The following INTS4 variants were observed in gnomAD, a reference collection of about 807,000 sequenced individuals.
INTS4 encodes integrator complex subunit 4.
In INTS4, 70 loss-of-function variants were observed where a neutral mutation model predicts 119.5. The observed-to-expected ratio is 0.59, with a 90% CI of 0.48 to 0.71. The LOEUF (loss-of-function observed/expected upper bound fraction) is 0.71. Among genes scored for constraint, INTS4 ranks in the 30% least tolerant of loss-of-function variants. INTS4 has a pLI of 0.00. For missense variants in INTS4, 867 were observed against 1,173.2 expected (o/e 0.74, Z 3.81); for synonymous variants, 316 against 419.6 (o/e 0.75, Z 3.02).
At chr11:77,954,081 G>A (rs1010744997) in intron 8 of INTS4, among the ~76,000 whole-genome samples, 1 of 152,166 alleles carries the variant, frequency 6.6e-6, no homozygotes, top group Admixed American at 6.5e-5. Flanking sequence ...CAAAGTGCTG[G>A]GATTATAGGC....
At chr11:77,962,050 T>C (rs1005052131) in intron 4 of INTS4, among the ~76,000 whole-genome samples, 2 of 152,228 alleles carry the variant, frequency 1.3e-5, no homozygotes, top group South Asian at 2.1e-4. Flanking sequence ...CAGTAGCTCA[T>C]GCCTATAATC....
chr11:77,975,290 C>T (rs1855901918), intron 4 of INTS4, among the ~76,000 whole-genome samples: 1 of 151,920 alleles, frequency 6.6e-6, no homozygotes, highest in East Asian at 1.9e-4. Flanking sequence ...TTATTCATCT[C>T]AAAGTATTTT....
At chr11:77,883,332 A>G (rs1305037209) in intron 22 of INTS4, among the ~76,000 whole-genome samples, 1 of 152,140 alleles carries the variant, frequency 6.6e-6, no homozygotes, top group Non-Finnish European at 1.5e-5. Context: ...CTTGAAATGT[A>G]ATCTCCTTTG....
At chr11:77,987,535 T>C (rs933049870) in intron 2 of INTS4, 5 of 390,340 alleles carry the variant, frequency 1.3e-5, no homozygotes, top group Non-Finnish European at 2.6e-5. Flanking sequence ...TAACGGAAAA[T>C]AGATCACTGA....
chr11:77,940,140 C>T (rs1199432221), intron 9 of INTS4, among the ~76,000 whole-genome samples: 2 of 152,036 alleles, frequency 1.3e-5, no homozygotes, highest in Middle Eastern at 3.2e-3. Flanking sequence ...TCATAAGAGG[C>T]ATTTGGGGCC....
At chr11:77,926,172 G>C (rs1178611578) in intron 11 of INTS4, among the ~76,000 whole-genome samples, 2 of 148,794 alleles carry the variant, frequency 1.3e-5, no homozygotes, top group Non-Finnish European at 3.0e-5. Context: ...AGGCAGGGTA[G>C]GATCTTGACA....
At position 77,888,663 on chromosome 11, in the gene INTS4, G is replaced by A. The variant is rs540914746; in HGVS notation, c.2592+2656C>T. ...ACATACAAAATGGGAGAAAATTTTC[G>A]TAACCTACTCATCTGACAAAGGGCT... On this transcript the variant is annotated intron_variant, in intron 21 of 22. Transcript: ENST00000534064. 2.2e-3 allele frequency among the ~76,000 whole-genome samples: 329 copies of A among 151,646 alleles called. 2 individuals carry two copies. Among genetic ancestry groups the A allele is most frequent in the African/African-American group, 7.4e-3 (305 of 41,054 alleles).
At chr11:77,885,347 G>A (rs1434784875) in intron 21 of INTS4, among the ~76,000 whole-genome samples, 1 of 152,026 alleles carries the variant, frequency 6.6e-6, no homozygotes, top group Non-Finnish European at 1.5e-5. Context: ...AAAGTGTTGG[G>A]ATTACAGGCG....
At chr11:77,940,011 C>G (rs1362031970) in intron 9 of INTS4, among the ~76,000 whole-genome samples, 1 of 151,994 alleles carries the variant, frequency 6.6e-6, no homozygotes, top group Admixed American at 6.6e-5. Flanking sequence ...TCTATAATAC[C>G]ACTTTTATAA....
At chr11:77,984,968 C>T (rs565389884) in intron 2 of INTS4, among the ~76,000 whole-genome samples, 63 of 150,986 alleles carry the variant, frequency 4.2e-4, no homozygotes, top group Non-Finnish European at 8.3e-4. Flanking sequence ...ATTCCTTATC[C>T]ATTTGGATAC....
intron 15 of INTS4, among the ~76,000 whole-genome samples, chr11:77,910,713 C>T (rs1306289602): frequency 5.3e-5 from 8 of 152,030 alleles, no homozygotes; most frequent in Admixed American, 1.3e-4. Flanking sequence ...CCCCTTCCTA[C>T]GCCTGTGCCC....
chr11:77,935,761 T>A (rs989467810), intron 10 of INTS4, among the ~76,000 whole-genome samples: 2 of 151,676 alleles, frequency 1.3e-5, no homozygotes, highest in African/African-American at 4.8e-5. Context: ...CCAGGTGTGG[T>A]GGTGTCCACC....
chr11:77,990,981 T>C (rs1353084047), intron 2 of INTS4, 127 bp downstream of exon 2: 52 of 753,976 alleles, frequency 6.9e-5, no homozygotes, highest in East Asian at 2.6e-5. Flanking sequence ...CCATAGTACC[T>C]AGCACTTGGA....
chr11:77,957,689 GA>G (rs1378801190), intron 7 of INTS4, among the ~76,000 whole-genome samples: 1 of 114,146 alleles, frequency 8.8e-6, no homozygotes, highest in Non-Finnish European at 1.7e-5. Context: ...TTTTTTGAGA[GA>G]AAGTGTCTTG....
chr11:77,943,326 T>A (rs1489780013), intron 8 of INTS4, among the ~76,000 whole-genome samples: 1 of 151,948 alleles, frequency 6.6e-6, no homozygotes, highest in Non-Finnish European at 1.5e-5. Context: ...AAACACAGAG[T>A]CCTATAGCAT....
intron 12 of INTS4, among the ~76,000 whole-genome samples, chr11:77,923,072 C>A (rs112346658): frequency 4.2e-4 from 64 of 152,304 alleles, no homozygotes; most frequent in Non-Finnish European, 7.9e-4. Flanking sequence ...ATAATCCCAA[C>A]ACTTTGCGAG....
intron 10 of INTS4, among the ~76,000 whole-genome samples, chr11:77,935,812 T>C (rs538347256): frequency 6.6e-6 from 1 of 151,472 alleles, no homozygotes; most frequent in South Asian, 2.1e-4. Flanking sequence ...GGGAAGATCA[T>C]TTGAGCCCAG....
chr11:77,969,927 T>A (rs1374135905), intron 4 of INTS4, among the ~76,000 whole-genome samples: 1 of 152,240 alleles, frequency 6.6e-6, no homozygotes, highest in Non-Finnish European at 1.5e-5. Flanking sequence ...GTCTTTCGTG[T>A]CTGGCTTCTT....
At chr11:77,983,209 A>C (rs1195102990) in intron 2 of INTS4, among the ~76,000 whole-genome samples, 1 of 152,242 alleles carries the variant, frequency 6.6e-6, no homozygotes, top group Non-Finnish European at 1.5e-5. Flanking sequence ...TAAGCAGTCA[A>C]ATAACAGTTC....
Sources: allele counts gnomAD v4.1 joint callset (sites outside exome capture counted in the v4.1 genomes callset), GRCh38; gene constraint gnomAD v4.1.1; transcripts MANE v1.5; gene names NCBI Gene and HGNC (gene_info 2026-07-23, HGNC 2026-07-21).